TBC1D15: variants seen among roughly 807,000 people sequenced by gnomAD.
TBC1D15 encodes TBC1 domain family member 15.
In TBC1D15, 39 loss-of-function variants were observed where a neutral mutation model predicts 95.4. The observed-to-expected ratio is 0.41, with a 90% CI of 0.32 to 0.53. The LOEUF (loss-of-function observed/expected upper bound fraction) is 0.53, where lower values mean the gene tolerates loss of function less well. Among genes scored for constraint, TBC1D15 ranks in the 20% least tolerant of loss-of-function variants. The probability of loss-of-function intolerance (pLI) is 0.29; values close to 1 mark genes in which losing one functional copy is unlikely to be tolerated. For synonymous variants in TBC1D15, 258 were observed against 261.3 expected (o/e 0.99, Z 0.12); for missense variants, 733 against 794.3 (o/e 0.92, Z 0.93).
At chr12:71,910,822 C>T (rs1029492723) in intron 11 of TBC1D15, among the ~76,000 whole-genome samples, 1 of 152,194 alleles carries the variant, frequency 6.6e-6, no homozygotes, top group Non-Finnish European at 1.5e-5. Flanking sequence ...AAACTACCAT[C>T]AGAGTGAACA....
At chr12:71,892,465 A>C (rs541681284) in intron 5 of TBC1D15, among the ~76,000 whole-genome samples, 1 of 152,028 alleles carries the variant, frequency 6.6e-6, no homozygotes, top group Non-Finnish European at 1.5e-5. Flanking sequence ...TGACTAAGTC[A>C]TAAAACTCAC....
At chr12:71,868,240 CTT>C (rs771782876) in intron 1 of TBC1D15, among the ~76,000 whole-genome samples, 23 of 132,350 alleles carry the variant, frequency 1.7e-4, no homozygotes, top group African/African-American at 4.5e-4. Flanking sequence ...GCAGCTTTGA[CTT>C]TTTTTTTTTT....
At chr12:71,913,759 A>G in intron 11 of TBC1D15, 67 bp from the exon 12 acceptor site, 2 of 1,046,918 alleles carry the variant, frequency 1.9e-6, no homozygotes, top group Admixed American at 2.5e-5. Context: ...TGGTGGTGAT[A>G]TGCACAACTT....
intron 1 of TBC1D15, among the ~76,000 whole-genome samples, chr12:71,867,207 C>A (rs567308167): frequency 3.3e-5 from 5 of 152,288 alleles, no homozygotes; most frequent in South Asian, 4.1e-4. Flanking sequence ...TCTGAAGCAG[C>A]ATTGTTTTCT....
intron 11 of TBC1D15, among the ~76,000 whole-genome samples, chr12:71,910,634 G>A (rs1304401991): frequency 6.6e-6 from 1 of 151,978 alleles, no homozygotes; most frequent in Non-Finnish European, 1.5e-5. Flanking sequence ...ATTGTGAATG[G>A]GAGTTCACTC....
intron 1 of TBC1D15, among the ~76,000 whole-genome samples, chr12:71,866,658 C>A (rs911817444): frequency 6.6e-6 from 1 of 152,134 alleles, no homozygotes; most frequent in Non-Finnish European, 1.5e-5. Flanking sequence ...CTTATGTTGC[C>A]CAGGCTAGTT....
Position 71,880,357 on chromosome 12 carries a change from C to T in TBC1D15, c.205-112C>T, listed in dbSNP as rs1419065298. ...GTATAGGAAATGGTGTTCAGTTTTC[C>T]CACCAGTGATGTCGTCTGCAGCCTG... is the stretch of plus-strand genomic sequence containing the variant. On this transcript the variant is annotated intron_variant, in intron 3 of 16. Coordinates refer to ENST00000485960, the MANE Select transcript of TBC1D15 (RefSeq NM_001146213.3). 8.8e-6 allele frequency: 7 copies of T among 795,844 alleles called. No individual in the cohort carries two copies. The East Asian group carries it at 2.0e-4, about 23-fold the overall frequency. 49.3% of individuals were successfully genotyped at this position (795,844 alleles called of 1,614,324 possible).
At chr12:71,915,023 A>T (rs913777258) in intron 12 of TBC1D15, among the ~76,000 whole-genome samples, 2 of 152,062 alleles carry the variant, frequency 1.3e-5, no homozygotes, top group African/African-American at 4.8e-5. Context: ...TTTTACATTA[A>T]ATTCATGAAT....
chr12:71,862,848 G>A (rs1890674412), intron 1 of TBC1D15, among the ~76,000 whole-genome samples: 1 of 152,094 alleles, frequency 6.6e-6, no homozygotes, highest in African/African-American at 2.4e-5. Flanking sequence ...TTTCATGATA[G>A]TAATTTTCAT....
rs557158169 is a variant in TBC1D15, at chr12:71,889,516, CTCCAAGTAGTAGAATAAAGCTAT to C, written c.555-3674_555-3652del. 1.9e-3 allele frequency among the ~76,000 whole-genome samples: 285 copies of C among 152,256 alleles called. 5 individuals are homozygous for C. The highest frequency in any genetic ancestry group is 0.017 in the Admixed American group (256 of 15,288). On this transcript the variant is annotated intron_variant, in intron 5 of 16. Coordinates refer to ENST00000485960, the MANE Select transcript of TBC1D15 (RefSeq NM_001146213.3). ...TGTAGCTCACCATAGATTTTATAGA[CTCCAAGTAGTAGAATAAAGCTAT>C]TCCAAGTAGTAGAATAAAGCTATTC...
chr12:71,906,776 A>G (rs1279728293), intron 10 of TBC1D15, among the ~76,000 whole-genome samples: 2 of 152,096 alleles, frequency 1.3e-5, no homozygotes, highest in African/African-American at 2.4e-5. Flanking sequence ...AAAGGTTTCT[A>G]TGTTTAGATA....
At chr12:71,883,695 A>G (rs1895667453) in intron 4 of TBC1D15, among the ~76,000 whole-genome samples, 1 of 152,176 alleles carries the variant, frequency 6.6e-6, no homozygotes, top group Admixed American at 6.5e-5. Flanking sequence ...AGTATGGGAC[A>G]GAATTAATAA....
intron 1 of TBC1D15, among the ~76,000 whole-genome samples, chr12:71,851,478 C>T (rs1349808258): frequency 1.3e-5 from 2 of 152,174 alleles, no homozygotes; most frequent in African/African-American, 4.8e-5. Flanking sequence ...AGTCTTAACT[C>T]ATTTCCGGCA....
intron 10 of TBC1D15, among the ~76,000 whole-genome samples, chr12:71,904,290 AAAG>A: frequency 6.6e-6 from 1 of 152,346 alleles, no homozygotes; most frequent in East Asian, 1.9e-4. Context: ...GATTTTGATT[AAAG>A]AAGAATTTTG....
At chr12:71,866,028 C>G (rs1021561754) in intron 1 of TBC1D15, among the ~76,000 whole-genome samples, 4 of 152,016 alleles carry the variant, frequency 2.6e-5, no homozygotes, top group African/African-American at 9.7e-5. Flanking sequence ...TCCCAGAAGG[C>G]AAGATGCCAC....
chr12:71,888,313 G>A (rs770412025), intron 5 of TBC1D15, among the ~76,000 whole-genome samples: 21 of 151,906 alleles, frequency 1.4e-4, no homozygotes, highest in African/African-American at 3.9e-4. Context: ...GTGAAACCCC[G>A]TCTCTACTAC....
intron 1 of TBC1D15, among the ~76,000 whole-genome samples, chr12:71,843,513 C>T (rs1885581504): frequency 6.6e-6 from 1 of 152,038 alleles, no homozygotes; most frequent in Admixed American, 6.6e-5. Context: ...TGGTAGTTAA[C>T]TAGGGTATAA....
At chr12:71,856,247 G>A (rs75449621) in intron 1 of TBC1D15, among the ~76,000 whole-genome samples, 4,777 of 152,206 alleles carry the variant, frequency 0.031, 256 homozygotes, top group African/African-American at 0.11. Flanking sequence ...TAAGTTGTTA[G>A]GCTTGGGGGT....
intron 8 of TBC1D15, 142 bp from the exon 9 acceptor site, chr12:71,896,533 CAA>C (rs780194615): frequency 7.3e-6 from 5 of 683,200 alleles, no homozygotes; most frequent in Non-Finnish European, 1.2e-5. Flanking sequence ...AAGTAAAAAA[CAA>C]GATGATATTC....
Sources: gnomAD v4.1 joint callset for allele counts (sites outside exome capture counted in the v4.1 genomes callset) on GRCh38, gnomAD v4.1.1 for gene constraint, MANE v1.5 for transcripts, NCBI Gene and HGNC (gene_info 2026-07-23, HGNC 2026-07-21) for gene names.